The following MBTD1 variants were observed in gnomAD, a reference collection of about 807,000 sequenced individuals.
The protein encoded by MBTD1 is mbt domain containing 1.
A neutral mutation model predicts 87.8 loss-of-function variants in MBTD1; 24 were observed. The observed-to-expected ratio is 0.27, with a 90% CI of 0.20 to 0.38. The LOEUF (loss-of-function observed/expected upper bound fraction) is 0.38. MBTD1 is among the 10% of genes least tolerant of loss of function. The probability of loss-of-function intolerance (pLI) is 1.00; values close to 1 mark genes in which losing one functional copy is unlikely to be tolerated. For synonymous variants in MBTD1, 237 were observed against 248.6 expected (o/e 0.95, Z 0.44); for missense variants, 436 against 760.2 (o/e 0.57, Z 5.02).
chr17:51,241,845 C>G (rs781054041), intron 2 of MBTD1, among the ~76,000 whole-genome samples: 1 of 152,194 alleles, frequency 6.6e-6, no homozygotes, highest in African/African-American at 2.4e-5. Flanking sequence ...GGATTACAGG[C>G]ATGAGCCACC....
At chr17:51,223,336 C>G (rs996645561) in intron 3 of MBTD1, among the ~76,000 whole-genome samples, 2 of 150,826 alleles carry the variant, frequency 1.3e-5, no homozygotes, top group Non-Finnish European at 3.0e-5. Flanking sequence ...AGTTTGAGAC[C>G]AGCCTGGGCA....
intron 12 of MBTD1, among the ~76,000 whole-genome samples, chr17:51,196,802 G>C (rs2145133887): frequency 6.6e-6 from 1 of 151,758 alleles, no homozygotes. Context: ...GAGGCAGGGA[G>C]AATTGCTCGA....
At chr17:51,258,817 T>C (rs2055252653) in intron 2 of MBTD1, among the ~76,000 whole-genome samples, 1 of 152,232 alleles carries the variant, frequency 6.6e-6, no homozygotes, top group African/African-American at 2.4e-5. Context: ...GAAAAACATC[T>C]TCAGGCATGT....
At chr17:51,259,025 C>G (rs776284306) in intron 2 of MBTD1, 118 bp downstream of exon 2, 24 of 395,860 alleles carry the variant, frequency 6.1e-5, no homozygotes, top group East Asian at 3.2e-4. Context: ...ATGAATGAGA[C>G]TGAAGGGTCT....
chr17:51,195,129 T>TA, intron 13 of MBTD1, 85 bp downstream of exon 13: 1 of 1,219,840 alleles, frequency 8.2e-7, no homozygotes, highest in East Asian at 2.4e-5. Flanking sequence ...TCAGGAAATC[T>TA]AGGGCTGTGT....
Position 51,259,210 on chromosome 17 carries a change from A to C in MBTD1, c.-112-4T>G. The C allele has an allele frequency of 2.5e-6, 3 of 1,219,040 alleles. No individual in the cohort carries two copies. Among genetic ancestry groups the C allele is most frequent in the Non-Finnish European group, 3.1e-6 (3 of 976,090 alleles). 75.5% of individuals were successfully genotyped at this position (1,219,040 alleles called of 1,614,324 possible). A position where few individuals can be genotyped will look rare whatever the true frequency, so the allele number is the denominator to read the frequency against. On this transcript the variant is annotated splice_region_variant and splice_polypyrimidine_tract_variant and intron_variant, in intron 1 of 16. Coordinates refer to ENST00000586178, the MANE Select transcript of MBTD1 (RefSeq NM_017643.3). ...ACCTCTAATGTCTCTTCCGACTCTG[A>C]AATGTTAGGATTCTTATTTCACAAA...
chr17:51,203,481 C>G (rs2051614868), intron 8 of MBTD1, among the ~76,000 whole-genome samples: 1 of 152,048 alleles, frequency 6.6e-6, no homozygotes, highest in African/African-American at 2.4e-5. Flanking sequence ...GTGGCGTGAT[C>G]TTGGCTCACT....
chr17:51,259,321 C>CA, intron 1 of MBTD1, 115 bp from the exon 2 acceptor site: 1 of 1,169,556 alleles, frequency 8.6e-7, no homozygotes, highest in Non-Finnish European at 1.1e-6. Context: ...ACACCACTCC[C>CA]ACCTCTCCCG....
At chr17:51,195,718 A>G (rs576813299) in intron 12 of MBTD1, among the ~76,000 whole-genome samples, 1 of 152,328 alleles carries the variant, frequency 6.6e-6, no homozygotes, top group South Asian at 2.1e-4. Context: ...ACTTGGTAAC[A>G]CTTTGACTTC....
intron 16 of MBTD1, among the ~76,000 whole-genome samples, chr17:51,187,401 C>CAAAAAAAAAAAAA: frequency 8.8e-6 from 1 of 113,708 alleles, no homozygotes; most frequent in Non-Finnish European, 1.8e-5. Flanking sequence ...GACCTTGTCT[C>CAAAAAAAAAAAAA]AAAAAAAAAA....
chr17:51,202,654 C>T (rs761037982), intron 10 of MBTD1, 47 bp downstream of exon 10: 3 of 1,369,490 alleles, frequency 2.2e-6, no homozygotes, highest in Non-Finnish European at 3.1e-6. Flanking sequence ...CTAGTATAAT[C>T]AGCCTCAATG....
At chr17:51,246,158 C>T (rs540802269) in intron 2 of MBTD1, among the ~76,000 whole-genome samples, 198 of 152,250 alleles carry the variant, frequency 1.3e-3, no homozygotes, top group Non-Finnish European at 2.1e-3. Flanking sequence ...TATGTGCATA[C>T]GCATAATTAG....
intron 12 of MBTD1, among the ~76,000 whole-genome samples, chr17:51,200,965 T>C (rs1469898021): frequency 6.6e-6 from 1 of 151,842 alleles, no homozygotes; most frequent in African/African-American, 2.4e-5. Context: ...CTGGGCAACC[T>C]AGGGAGACCC....
upstream of MBTD1, among the ~76,000 whole-genome samples, chr17:51,260,363 C>T (rs935103402): frequency 6.6e-6 from 1 of 152,366 alleles, no homozygotes; most frequent in East Asian, 1.9e-4. Context: ...CCGCTTCCCC[C>T]TACACCCGGA....
chr17:51,190,750 A>AAAAAAATAT (rs1555677185), intron 16 of MBTD1, among the ~76,000 whole-genome samples: 5 of 39,710 alleles, frequency 1.3e-4, no homozygotes, highest in African/African-American at 3.0e-4. Context: ...AAAAAAAAAA[A>AAAAAAATAT]ATATATATAT....
intron 2 of MBTD1, among the ~76,000 whole-genome samples, chr17:51,235,631 A>C (rs533717758): frequency 6.6e-6 from 1 of 152,352 alleles, no homozygotes; most frequent in South Asian, 2.1e-4. Context: ...TGCACTTGAC[A>C]AAAATCTAAC....
chr17:51,214,870 C>T (rs2052476301), intron 6 of MBTD1, among the ~76,000 whole-genome samples: 1 of 152,160 alleles, frequency 6.6e-6, no homozygotes, highest in Non-Finnish European at 1.5e-5. Flanking sequence ...CTCCTAGTAG[C>T]TCCTGACTAT....
chr17:51,247,441 C>CA (rs1266579249), intron 2 of MBTD1, among the ~76,000 whole-genome samples: 2 of 132,044 alleles, frequency 1.5e-5, no homozygotes, highest in African/African-American at 3.0e-5. Context: ...ATCAGTATTA[C>CA]TTTTTTTTTT....
chr17:51,187,039 T>C (rs144653655), intron 16 of MBTD1, among the ~76,000 whole-genome samples: 1 of 152,336 alleles, frequency 6.6e-6, no homozygotes, highest in African/African-American at 2.4e-5. Flanking sequence ...CAATTCACTC[T>C]TTTAGAAAAC....
Sources: gnomAD v4.1 joint callset for allele counts (sites outside exome capture counted in the v4.1 genomes callset) on GRCh38, gnomAD v4.1.1 for gene constraint, MANE v1.5 for transcripts, NCBI Gene and HGNC (gene_info 2026-07-23, HGNC 2026-07-21) for gene names.